CACNA2D4: variants seen among roughly 807,000 people sequenced by gnomAD.
CACNA2D4 encodes calcium voltage-gated channel auxiliary subunit alpha2delta 4.
A neutral mutation model predicts 163.8 loss-of-function variants in CACNA2D4; 157 were observed. The observed-to-expected ratio is 0.96, with a 90% CI of 0.84 to 1.09. CACNA2D4 has a LOEUF of 1.09. Among genes scored for constraint, CACNA2D4 ranks in the 50% least tolerant of loss-of-function variants. The pLI is 0.00. For missense variants in CACNA2D4, 1,410 were observed against 1,479.9 expected (o/e 0.95, Z 0.78); for synonymous variants, 598 against 586.9 (o/e 1.02, Z -0.27).
At chr12:1,811,844 G>T in intron 26 of CACNA2D4, 121 bp from the exon 27 acceptor site, 1 of 959,708 alleles carries the variant, frequency 1.0e-6, no homozygotes, top group Non-Finnish European at 1.6e-6. Flanking sequence ...CAGCGGATGG[G>T]AGGACTGAGT....
intron 18 of CACNA2D4, among the ~76,000 whole-genome samples, chr12:1,867,988 A>G (rs934510865): frequency 6.6e-6 from 1 of 152,172 alleles, no homozygotes; most frequent in African/African-American, 2.4e-5. Context: ...GGGTGTGAAG[A>G]AAGGGGAACC....
chr12:1,813,144 A>G (rs1435090394), intron 26 of CACNA2D4, among the ~76,000 whole-genome samples: 1 of 152,184 alleles, frequency 6.6e-6, no homozygotes, highest in African/African-American at 2.4e-5. Context: ...CTGGAAGGGC[A>G]GAAGTTGCAT....
chr12:1,804,591 A>G (rs1489791192), intron 29 of CACNA2D4, among the ~76,000 whole-genome samples: 1 of 152,226 alleles, frequency 6.6e-6, no homozygotes, highest in Non-Finnish European at 1.5e-5. Context: ...TTCTTTAGTT[A>G]GGCAGCCTGA....
intron 34 of CACNA2D4, 49 bp from the exon 35 acceptor site, chr12:1,797,584 C>T (rs1164891912): frequency 7.9e-6 from 11 of 1,394,472 alleles, no homozygotes; most frequent in East Asian, 2.5e-5. Context: ...CTCTGGCCTG[C>T]GGTGACCTCG....
chr12:1,830,961 G>A, intron 26 of CACNA2D4: 5 of 1,611,634 alleles, frequency 3.1e-6, no homozygotes, highest in Middle Eastern at 1.7e-4. Flanking sequence ...CGCCCTGTAT[G>A]CTGTGGAGGC....
chr12:1,897,347 T>C (rs1261313882), intron 6 of CACNA2D4, among the ~76,000 whole-genome samples: 1 of 152,162 alleles, frequency 6.6e-6, no homozygotes, highest in East Asian at 1.9e-4. Context: ...TAGCACTGCA[T>C]TGTATATTTC....
At position 1,799,436 on chromosome 12, in the gene CACNA2D4, C is replaced by T. The variant is rs1863235993; in HGVS notation, c.2995+239G>A. On this transcript the variant is annotated intron_variant, in intron 34 of 37. Coordinates refer to ENST00000382722, the MANE Select transcript of CACNA2D4 (RefSeq NM_172364.5). The surrounding 1 kb of genome is among the most constrained non-coding windows in gnomAD (Gnocchi z 4.7). ...GCTTCCTCTTGGAATCTTACGTGTT[C>T]TCACCCAAGGGGAGGCTGGAGTTTC... 6.6e-6 allele frequency among the ~76,000 whole-genome samples: 1 copy of T among 152,206 alleles called. No homozygotes were observed. Among genetic ancestry groups the T allele is most frequent in the African/African-American group, 2.4e-5 (1 of 41,454 alleles).
chr12:1,828,124 G>A lies in CACNA2D4; in HGVS notation c.2551+12615C>T. On this transcript the variant is annotated intron_variant, in intron 26 of 37. Transcript: ENST00000382722. The surrounding 1 kb of genome is among the most constrained non-coding windows in gnomAD (Gnocchi z 4.2). The stretch of plus-strand genomic sequence containing the variant: ...GGCTCCTCTCTCCCCAGAGCGACAG[G>A]GCCCGGAGAGCCGTGGGCCTCACCA... The A allele has an allele frequency of 1.3e-6, 2 of 1,519,316 alleles. No individual in the cohort carries two copies. The highest frequency in any genetic ancestry group is 1.8e-6 in the Non-Finnish European group (2 of 1,131,086). 94.1% of individuals were successfully genotyped at this position (1,519,316 alleles called of 1,614,324 possible).
At chr12:1,885,474 A>T (rs1866113493) in intron 9 of CACNA2D4, among the ~76,000 whole-genome samples, 1 of 152,142 alleles carries the variant, frequency 6.6e-6, no homozygotes, top group Non-Finnish European at 1.5e-5. Context: ...CGGCTTCAAG[A>T]GGAACTCAAA....
At chr12:1,859,950 G>A (rs966874109) in intron 19 of CACNA2D4, among the ~76,000 whole-genome samples, 195 bp downstream of exon 19, 2 of 152,230 alleles carry the variant, frequency 1.3e-5, no homozygotes, top group African/African-American at 4.8e-5. Flanking sequence ...AAATGGTAGA[G>A]CTGGGGTTCA....
chr12:1,810,174 T>A, intron 29 of CACNA2D4, 104 bp downstream of exon 29: 1 of 923,354 alleles, frequency 1.1e-6, no homozygotes, highest in Non-Finnish European at 1.7e-6. Context: ...CCGAACAGGG[T>A]TCCCTCCTGG....
chr12:1,828,772 C>T lies in CACNA2D4; in HGVS notation c.2551+11967G>A, dbSNP rs1020371128. ...TGGAAGAGACTTTGGGGAGTGGGTC[C>T]AACCCCTCCTGCATATAGGCAGACT... On this transcript the variant is annotated intron_variant, in intron 26 of 37. Coordinates refer to ENST00000382722, the MANE Select transcript of CACNA2D4 (RefSeq NM_172364.5). This position sits in a 1 kb window ranked among gnomAD's most constrained non-coding sequence, Gnocchi z 4.2. Among the ~76,000 whole-genome samples, 1 of 152,180 alleles carries T rather than the reference C, an allele frequency of 6.6e-6. No individual in the cohort carries two copies. The highest frequency in any genetic ancestry group is 1.5e-5 in the Non-Finnish European group (1 of 68,034).
intron 22 of CACNA2D4, 65 bp from the exon 23 acceptor site, chr12:1,854,109 C>A: frequency 8.3e-7 from 1 of 1,204,512 alleles, no homozygotes; most frequent in East Asian, 2.5e-5. Context: ...ACAACTCTCC[C>A]ATCCTAAGTT....
chr12:1,838,106 A>G (rs561515172), intron 26 of CACNA2D4, among the ~76,000 whole-genome samples: 2 of 152,330 alleles, frequency 1.3e-5, no homozygotes, highest in South Asian at 2.1e-4. Flanking sequence ...CCTGGAGGAC[A>G]TGGAGAATTG....
chr12:1,870,881 C>T (rs747701512), intron 18 of CACNA2D4, among the ~76,000 whole-genome samples: 8 of 152,076 alleles, frequency 5.3e-5, no homozygotes, highest in Non-Finnish European at 5.9e-5. Flanking sequence ...CTCCTTCTGC[C>T]GGACAAAAAT....
At chr12:1,912,251 G>C (rs992036983) in intron 3 of CACNA2D4, among the ~76,000 whole-genome samples, 3 of 152,238 alleles carry the variant, frequency 2.0e-5, no homozygotes, top group African/African-American at 4.8e-5. Flanking sequence ...TCCTTTCAGG[G>C]AGAGCACTGG....
chr12:1,843,419 G>A lies in CACNA2D4; in HGVS notation c.2470+983C>T, dbSNP rs1032842049. ...GGAAGTTCTGAGTGACCCCAGCCCT[G>A]ACTTTCCTTTTAGAAGTCTCCACAC... is the stretch of plus-strand genomic sequence containing the variant. On this transcript the variant is annotated intron_variant, in intron 25 of 37. Transcript: ENST00000382722. This position sits in a 1 kb window ranked among gnomAD's most constrained non-coding sequence, Gnocchi z 4.6. 6.6e-6 allele frequency among the ~76,000 whole-genome samples: 1 copy of A among 152,202 alleles called. No individual in the cohort carries two copies.
In CACNA2D4 at chr12:1,907,436, T is replaced by C. The variant is rs762213192; in HGVS notation, c.781+4A>G. On this transcript the variant is annotated splice_donor_region_variant and intron_variant, in intron 6 of 37. Coordinates refer to ENST00000382722, the MANE Select transcript of CACNA2D4 (RefSeq NM_172364.5). ...GTCGGGGAGATGCAACTCCATGTCC[T>C]TACCTGGATAGATCCTGAAGAATCC... 3.7e-6 allele frequency: 6 copies of C among 1,613,212 alleles called. No individual in the cohort carries two copies. The South Asian group carries it at 6.6e-5, about 18-fold the overall frequency.
chr12:1,880,133 A>G (rs1050725581), intron 13 of CACNA2D4, among the ~76,000 whole-genome samples: 2 of 152,228 alleles, frequency 1.3e-5, no homozygotes, highest in African/African-American at 4.8e-5. Flanking sequence ...CCTGAGCCCC[A>G]TGACCCAGCC....
Sources: allele counts gnomAD v4.1 joint callset (sites outside exome capture counted in the v4.1 genomes callset), GRCh38; gene constraint gnomAD v4.1.1; non-coding constraint Gnocchi (gnomAD v3.1); transcripts MANE v1.5; gene names NCBI Gene and HGNC (gene_info 2026-07-23, HGNC 2026-07-21).